EIF4ENIF1: variants seen among roughly 807,000 people sequenced by gnomAD.
EIF4ENIF1 encodes eukaryotic translation initiation factor 4E nuclear import factor 1, also known as eukaryotic translation initiation factor 4E transporter.
A neutral mutation model predicts 110.5 loss-of-function variants in EIF4ENIF1; 23 were observed. That is an observed-to-expected ratio of 0.21 (90% CI 0.15 to 0.29). The LOEUF is 0.29. Ranked by LOEUF, EIF4ENIF1 falls within the 10% of genes least tolerant of loss-of-function variation. The pLI is 1.00. For synonymous variants in EIF4ENIF1, 440 were observed against 437.0 expected (o/e 1.01, Z -0.09); for missense variants, 1,031 against 1,221.1 (o/e 0.84, Z 2.32).
chr22:31,490,427 C>T (rs1391356269), upstream of EIF4ENIF1, among the ~76,000 whole-genome samples: 1 of 152,136 alleles, frequency 6.6e-6, no homozygotes, highest in Non-Finnish European at 1.5e-5. Flanking sequence ...AAGTTTCGGT[C>T]GTGTTTCTAA....
At position 31,440,709 on chromosome 22, in the gene EIF4ENIF1, C is replaced by G. The variant is rs755466322; in HGVS notation, c.2711G>C (p.Arg904Pro). 6.2e-6 allele frequency: 10 copies of G among 1,613,552 alleles called. No homozygotes were observed. Among genetic ancestry groups the G allele is most frequent in the Middle Eastern group, 3.3e-4 (2 of 6,040 alleles). ...TGTCACATTCCTGAACCTACCTGAGCGCTGTAGCTGCTGTTGCACCATTGC... is the reference window on the plus strand; with the variant it reads ...TGTCACATTCCTGAACCTACCTGAGGGCTGTAGCTGCTGTTGCACCATTGC... ...HLAMVQQQLQRSVLHPPGSGS... is the reference protein window; with the variant it reads ...HLAMVQQQLQPSVLHPPGSGS... Residue 904 changes from arginine (R) to proline (P), a missense_variant, in exon 18 of 19, where the codon CGC becomes CCC. This residue lies in a region of EIF4ENIF1 where 309 missense variants were observed against 299.1 expected (regional missense o/e 1.03). Transcript: ENST00000330125.
At position 31,448,250 on chromosome 22, in the gene EIF4ENIF1, C is replaced by T. The variant is rs989022213; in HGVS notation, c.1769-18G>A. 3 of 1,613,322 alleles carry T rather than the reference C, an allele frequency of 1.9e-6. No homozygotes were observed. Among genetic ancestry groups the T allele is most frequent in the Non-Finnish European group, 2.5e-6 (3 of 1,179,436 alleles). On this transcript the variant is annotated intron_variant, in intron 12 of 18. Coordinates refer to ENST00000330125, the MANE Select transcript of EIF4ENIF1 (RefSeq NM_019843.4). Reference sequence around the variant, plus strand: ...TGTGAAACCTGTCGGGAAAGTTAGTCTCAGTGAGTACCAAGATGGTATGTG... The same window carrying T: ...TGTGAAACCTGTCGGGAAAGTTAGTTTCAGTGAGTACCAAGATGGTATGTG...
At position 31,439,852 on chromosome 22, in the gene EIF4ENIF1, C is replaced by A. The variant is rs201962662; in HGVS notation, c.*28G>T. On this transcript the variant is annotated 3_prime_UTR_variant, in exon 19 of 19. Transcript: ENST00000330125. ...CCTGCCCAGTGTGCCACCACAGGTC[C>A]GGGCTTAGTTGAGTCTGCCTGCCCT... 1 of 1,607,606 alleles carries A rather than the reference C, an allele frequency of 6.2e-7. No homozygotes were observed. Among genetic ancestry groups the A allele is most frequent in the Non-Finnish European group, 8.5e-7 (1 of 1,179,362 alleles).
At chr22:31,451,192 T>C (rs539979666) in intron 10 of EIF4ENIF1, 2 of 152,338 alleles carry the variant, frequency 1.3e-5, no homozygotes, top group African/African-American at 4.8e-5. Context: ...CCTACACATA[T>C]GGTTTTAAAA....
rs1384077841 is a variant in EIF4ENIF1, at chr22:31,440,762, G to T, written c.2658C>A (p.Asn886Lys). 2 of 1,613,994 alleles carry T rather than the reference G, an allele frequency of 1.2e-6. No individual in the cohort carries two copies. Among genetic ancestry groups the T allele is most frequent in the Admixed American group, 1.7e-5 (1 of 60,020 alleles). ...GATGCAGAGGTGTTCCAGGACGAGG[G>T]TTTAAGAGAGGGTGACTAGCAGCAG... is the stretch of plus-strand genomic sequence containing the variant. The part of the protein sequence containing the change: ...PLPAASHPLL[N>K]PRPGTPLHLA... The change falls in exon 18 of 19, where the codon AAC becomes AAA. Residue 886 changes from asparagine (N) to lysine (K), a missense_variant. Physicochemically the swap from Asn to Lys is moderately conservative, Grantham distance 94. This residue lies in a region of EIF4ENIF1 where 309 missense variants were observed against 299.1 expected (regional missense o/e 1.03). Transcript: ENST00000330125.
At chr22:31,465,184 G>A (rs1259589639) in intron 4 of EIF4ENIF1, among the ~76,000 whole-genome samples, 6 of 151,776 alleles carry the variant, frequency 4.0e-5, no homozygotes, top group Non-Finnish European at 5.9e-5. Flanking sequence ...TTAGCCAGGC[G>A]TGGTGGTAGG....
chr22:31,491,115 G>C (rs148456094), upstream of EIF4ENIF1, among the ~76,000 whole-genome samples: 29 of 152,256 alleles, frequency 1.9e-4, no homozygotes, highest in East Asian at 1.3e-3. Context: ...AAGCTATGGA[G>C]AGTTAGTCTA....
intron 2 of EIF4ENIF1, among the ~76,000 whole-genome samples, chr22:31,481,088 T>C (rs983584766): frequency 6.6e-6 from 1 of 152,194 alleles, no homozygotes; most frequent in African/African-American, 2.4e-5. Context: ...CTATTCTCTA[T>C]GGTCTTGCCA....
chr22:31,441,934 G>A lies in EIF4ENIF1; in HGVS notation c.2391C>T (p.Ser797=), dbSNP rs2050313441. 5 of 1,614,196 alleles carry A rather than the reference G, an allele frequency of 3.1e-6. No homozygotes were observed. Among genetic ancestry groups the A allele is most frequent in the Non-Finnish European group, 4.2e-6 (5 of 1,180,038 alleles). ...ATGRKTPTLA[S]PVPTTPFLRP... is the part of the protein sequence containing the mutation. ...GGAGAAAAGGTGTTGTAGGAACTGG[G>A]GATGCCAAGGTGGGTGTTTTTCTCC... The change falls in exon 17 of 19, where the codon TCC becomes TCT. Residue 797 remains serine (S), a synonymous_variant. Transcript: ENST00000330125.
At chr22:31,437,017 C>T (rs1385058804), downstream of EIF4ENIF1, 2 of 152,160 alleles carry the variant, frequency 1.3e-5, no homozygotes, top group Non-Finnish European at 2.9e-5. Flanking sequence ...GCCAATGGAC[C>T]TCCCACTTCC....
downstream of EIF4ENIF1, among the ~76,000 whole-genome samples, chr22:31,438,010 G>A (rs368305951): frequency 1.3e-5 from 2 of 152,282 alleles, no homozygotes; most frequent in Non-Finnish European, 2.9e-5. Flanking sequence ...CTGCTTTCTT[G>A]TATTCCTGCA....
In EIF4ENIF1 at chr22:31,442,064, G is replaced by C. The variant is rs2050318900; in HGVS notation, c.2261C>G (p.Thr754Ser). ...VPSADRDSSP[T>S]TNSKLSALQR... ...TAATGCTGACAGTTTGGAATTTGTA[G>C]TGGGAGAAGAGTCTCGATCGGCACT... Residue 754 changes from threonine (T) to serine (S), a missense_variant, in exon 17 of 19, where the codon ACT (threonine) becomes AGT (serine). Transcript: ENST00000330125. The C allele has an allele frequency of 6.2e-7, 1 of 1,614,182 alleles. No individual in the cohort carries two copies. Among genetic ancestry groups the C allele is most frequent in the African/African-American group, 1.3e-5 (1 of 75,048 alleles).
chr22:31,450,258 T>G, intron 11 of EIF4ENIF1, 31 bp downstream of exon 11: 1 of 1,595,834 alleles, frequency 6.3e-7, no homozygotes, highest in East Asian at 2.2e-5. Context: ...TGTTCAAGAC[T>G]CCAAGGCCTC....
Position 31,450,464 on chromosome 22 carries a change from A to G in EIF4ENIF1, c.1513-104T>C, listed in dbSNP as rs973855406. The G allele has an allele frequency of 3.6e-6, 3 of 842,150 alleles. No homozygotes were observed. The African/African-American group carries it at 5.1e-5, about 14-fold the overall frequency. 52.2% of individuals were successfully genotyped at this position (842,150 alleles called of 1,614,324 possible). ...CATAAAATACTCCTAGGGAGTTAAT[A>G]GCAGAATGATACTCAAGTCACAGAA... On this transcript the variant is annotated intron_variant, in intron 10 of 18. Coordinates refer to ENST00000330125, the MANE Select transcript of EIF4ENIF1 (RefSeq NM_019843.4).
intron 10 of EIF4ENIF1, among the ~76,000 whole-genome samples, chr22:31,453,820 A>T (rs2050743724): frequency 6.6e-6 from 1 of 152,178 alleles, no homozygotes; most frequent in Non-Finnish European, 1.5e-5. Flanking sequence ...TAACAAGAAA[A>T]TTGTCTCTGG....
chr22:31,468,353 G>A lies in EIF4ENIF1; in HGVS notation c.171-51C>T, dbSNP rs768342512. The stretch of plus-strand genomic sequence containing the variant: ...AGCACTTACGCCCATGAACCATATA[G>A]GCAGTGTGATTTCTAAACCTCCTCA... On this transcript the variant is annotated intron_variant, in intron 3 of 18. Transcript: ENST00000330125. The A allele has an allele frequency of 1.7e-5, 28 of 1,606,056 alleles. No individual in the cohort carries two copies. The Admixed American group carries it at 4.1e-4, about 24-fold the overall frequency.
At chr22:31,454,508 C>CA in intron 9 of EIF4ENIF1, 132 bp from the exon 10 acceptor site, 1 of 743,128 alleles carries the variant, frequency 1.3e-6, no homozygotes, top group Non-Finnish European at 2.2e-6. Context: ...AAAAGACTGA[C>CA]ACCAAAAATA....
chr22:31,443,225 G>T, intron 15 of EIF4ENIF1, 131 bp from the exon 16 acceptor site: 1 of 1,300,074 alleles, frequency 7.7e-7, no homozygotes, highest in Non-Finnish European at 1.0e-6. Context: ...GTAGTATTCT[G>T]TTCTGTAGCT....
At chr22:31,465,616 T>C (rs1484487588) in intron 4 of EIF4ENIF1, among the ~76,000 whole-genome samples, 5 of 152,206 alleles carry the variant, frequency 3.3e-5, no homozygotes, top group African/African-American at 1.2e-4. Flanking sequence ...AGTTTGGCAA[T>C]TTCCCAGAAG....
Sources: allele counts gnomAD v4.1 joint callset (sites outside exome capture counted in the v4.1 genomes callset), GRCh38; gene constraint gnomAD v4.1.1; regional missense constraint gnomAD v4.1.1; transcripts MANE v1.5; gene names NCBI Gene and HGNC (gene_info 2026-07-23, HGNC 2026-07-21).